PPFIA2: variants seen among roughly 807,000 people sequenced by gnomAD.
The protein encoded by PPFIA2 is liprin-alpha-2.
Under a neutral mutation model 175.5 loss-of-function variants are expected in PPFIA2, and 46 were observed. The observed-to-expected ratio is 0.26, with a 90% CI of 0.21 to 0.34. PPFIA2 has a LOEUF of 0.34. Among genes scored for constraint, PPFIA2 ranks in the 10% least tolerant of loss-of-function variants. The pLI is 1.00. For synonymous variants in PPFIA2, 568 were observed against 511.4 expected, an observed-to-expected ratio of 1.11 and a Z score of -1.49; for missense variants, 1,179 against 1,506.1, an observed-to-expected ratio of 0.78 and a Z score of 3.60.
chr12:81,274,526 C>A (rs934830645), intron 28 of PPFIA2, among the ~76,000 whole-genome samples: 6 of 149,514 alleles, frequency 4.0e-5, no homozygotes, highest in African/African-American at 1.5e-4. Context: ...TTTTTTTTTT[C>A]ATTTTTAAAG....
chr12:81,729,114 TTAAA>T (rs1449794615), intron 3 of PPFIA2, among the ~76,000 whole-genome samples: 1 of 151,520 alleles, frequency 6.6e-6, no homozygotes, highest in Non-Finnish European at 1.5e-5. Flanking sequence ...TTTTATTAAC[TTAAA>T]TAAGTATTAC....
intron 4 of PPFIA2, among the ~76,000 whole-genome samples, chr12:81,485,875 A>C (rs2058751512): frequency 6.6e-6 from 1 of 151,870 alleles, no homozygotes; most frequent in Non-Finnish European, 1.5e-5. Flanking sequence ...TTTTGGAACT[A>C]AATGACTTGG....
At chr12:81,535,175 T>A (rs577243088) in intron 4 of PPFIA2, among the ~76,000 whole-genome samples, 1 of 151,730 alleles carries the variant, frequency 6.6e-6, no homozygotes, top group African/African-American at 2.4e-5. Context: ...TGAGTAGACA[T>A]GAGAGCAGCC....
chr12:81,269,262 G>T (rs1252998911), intron 28 of PPFIA2, among the ~76,000 whole-genome samples: 1 of 151,494 alleles, frequency 6.6e-6, no homozygotes, highest in Non-Finnish European at 1.5e-5. Flanking sequence ...AAACTTAAGG[G>T]GATATGAGAA....
At chr12:81,510,968 A>G (rs1466766009) in intron 4 of PPFIA2, among the ~76,000 whole-genome samples, 2 of 152,108 alleles carry the variant, frequency 1.3e-5, no homozygotes, top group African/African-American at 4.8e-5. Flanking sequence ...CTTGTTTTTC[A>G]TCTTTATCCT....
chr12:81,517,107 CT>C (rs34341719), intron 4 of PPFIA2, among the ~76,000 whole-genome samples: 15,989 of 123,588 alleles, frequency 0.13, 762 homozygotes, highest in East Asian at 0.21. Flanking sequence ...CACATTGTAG[CT>C]TTTTTTTTTT....
At chr12:81,283,806 T>G (rs1370693820) in intron 25 of PPFIA2, among the ~76,000 whole-genome samples, 1 of 151,850 alleles carries the variant, frequency 6.6e-6, no homozygotes, top group Admixed American at 6.6e-5. Context: ...TTTTTGGGGG[T>G]TTTTTTGGTC....
intron 3 of PPFIA2, among the ~76,000 whole-genome samples, chr12:81,703,737 C>T (rs2076774806): frequency 6.6e-6 from 1 of 152,112 alleles, no homozygotes; most frequent in South Asian, 2.1e-4. Context: ...ACTCATGGCT[C>T]TGACGAGCTC....
chr12:81,707,660 T>A (rs1244735610), intron 3 of PPFIA2, among the ~76,000 whole-genome samples: 1 of 150,422 alleles, frequency 6.6e-6, no homozygotes, highest in Non-Finnish European at 1.5e-5. Context: ...GACCCAGCCA[T>A]CCCATTACTG....
intron 4 of PPFIA2, among the ~76,000 whole-genome samples, chr12:81,624,985 A>T (rs1302724555): frequency 6.6e-6 from 1 of 151,850 alleles, no homozygotes; most frequent in African/African-American, 2.4e-5. Flanking sequence ...AAATAACAAA[A>T]CAAAAATAAA....
At chr12:81,316,739 G>T (rs952367182) in intron 22 of PPFIA2, among the ~76,000 whole-genome samples, 1 of 151,378 alleles carries the variant, frequency 6.6e-6, no homozygotes, top group African/African-American at 2.4e-5. Flanking sequence ...TTCTCTAGAG[G>T]AAAAAAATAT....
At chr12:81,346,270 T>C (rs927232111) in intron 18 of PPFIA2, among the ~76,000 whole-genome samples, 1 of 151,954 alleles carries the variant, frequency 6.6e-6, no homozygotes, top group African/African-American at 2.4e-5. Context: ...TGCTTTTAAA[T>C]TAGGCAAATT....
intron 3 of PPFIA2, among the ~76,000 whole-genome samples, chr12:81,715,299 A>G (rs2078458432): frequency 1.3e-5 from 2 of 151,842 alleles, no homozygotes; most frequent in South Asian, 2.1e-4. Flanking sequence ...TAATCTTAAG[A>G]GAATTTAATT....
chr12:81,445,736 G>A lies in PPFIA2; in HGVS notation c.406-16C>T, dbSNP rs1197141636. On this transcript the variant is annotated splice_polypyrimidine_tract_variant and intron_variant, in intron 5 of 32. Transcript: ENST00000549396. ...CCAGTAATAGCTATTGGGTTTAACA[G>A]AAAATGCAATTATCTTATGAATACA... 6.2e-7 allele frequency: 1 copy of A among 1,605,512 alleles called. No individual in the cohort carries two copies. Among genetic ancestry groups the A allele is most frequent in the African/African-American group, 1.3e-5 (1 of 74,564 alleles).
intron 21 of PPFIA2, among the ~76,000 whole-genome samples, chr12:81,338,879 C>A (rs972862712): frequency 1.3e-5 from 2 of 152,066 alleles, no homozygotes; most frequent in African/African-American, 4.8e-5. Context: ...AAGGTTTATA[C>A]CACTAGCATT....
intron 4 of PPFIA2, among the ~76,000 whole-genome samples, chr12:81,675,829 T>C (rs1020748847): frequency 2.0e-5 from 3 of 152,056 alleles, no homozygotes; most frequent in Non-Finnish European, 4.4e-5. Context: ...CTGCAGCCAA[T>C]ACATTTTTCC....
intron 3 of PPFIA2, among the ~76,000 whole-genome samples, chr12:81,708,082 T>C (rs1290497075): frequency 6.7e-6 from 1 of 148,606 alleles, no homozygotes; most frequent in East Asian, 2.0e-4. Context: ...AGATGACGAG[T>C]TAGTGGGTGC....
chr12:81,674,084 A>G (rs2071968333), intron 4 of PPFIA2, among the ~76,000 whole-genome samples: 1 of 152,026 alleles, frequency 6.6e-6, no homozygotes. Context: ...TGAAATAACA[A>G]ACTTCACTCT....
intron 4 of PPFIA2, among the ~76,000 whole-genome samples, chr12:81,491,973 T>C (rs186635321): frequency 6.6e-6 from 1 of 152,138 alleles, no homozygotes; most frequent in East Asian, 1.9e-4. Flanking sequence ...CTAAATCCTA[T>C]ATACTTAATT....
Sources: allele counts gnomAD v4.1 joint callset (sites outside exome capture counted in the v4.1 genomes callset), GRCh38; gene constraint gnomAD v4.1.1; transcripts MANE v1.5; gene names NCBI Gene and HGNC (gene_info 2026-07-23, HGNC 2026-07-21).